Variants in CACNA1I observed in about 807,000 individuals in gnomAD.
CACNA1I encodes the protein calcium voltage-gated channel subunit alpha1 I.
Under a neutral mutation model 201.6 loss-of-function variants are expected in CACNA1I, and 74 were observed. The observed-to-expected ratio is 0.37, with a 90% CI of 0.30 to 0.45. The LOEUF (loss-of-function observed/expected upper bound fraction) is 0.45, where lower values mean the gene tolerates loss of function less well. Among genes scored for constraint, CACNA1I ranks in the 20% least tolerant of loss-of-function variants. CACNA1I has a pLI of 1.00. For missense variants in CACNA1I, 2,346 were observed against 3,138.1 expected (o/e 0.75, Z 6.03); for synonymous variants, 1,431 against 1,345.2 (o/e 1.06, Z -1.40).
At chr22:39,671,424 T>G (rs1935373043) in intron 26 of CACNA1I, among the ~76,000 whole-genome samples, 1 of 152,162 alleles carries the variant, frequency 6.6e-6, no homozygotes, top group Non-Finnish European at 1.5e-5. Flanking sequence ...AACTTAGATT[T>G]GCATTCAAAG....
intron 10 of CACNA1I, among the ~76,000 whole-genome samples, chr22:39,652,194 C>G (rs545867777): frequency 6.6e-6 from 1 of 152,280 alleles, no homozygotes; most frequent in East Asian, 1.9e-4. Flanking sequence ...CGGGGTTTCG[C>G]CATGTTGGCC....
rs1458660770 is a variant in CACNA1I at position 39,677,970 on chromosome 22, C to T, written c.4934-17C>T. The T allele has an allele frequency of 1.9e-6, 3 of 1,574,908 alleles. No individual in the cohort carries two copies. The highest frequency in any genetic ancestry group is 2.6e-6 in the Non-Finnish European group (3 of 1,161,120). On this transcript the variant is annotated splice_polypyrimidine_tract_variant and intron_variant, in intron 30 of 36. Transcript: ENST00000402142. The surrounding 1 kb of genome is among the most constrained non-coding windows in gnomAD (Gnocchi z 4.8). ...CACTCCGCCATCGGGCAGGGCTGACCTCCTCCCCGCTTCCAGTCTGCAACG... is the reference window on the plus strand; with the variant it reads ...CACTCCGCCATCGGGCAGGGCTGACTTCCTCCCCGCTTCCAGTCTGCAACG...
Position 39,659,303 on chromosome 22 carries a change from T to C in CACNA1I, c.2331-130T>C, listed in dbSNP as rs1206573839. On this transcript the variant is annotated intron_variant, in intron 12 of 36. Coordinates refer to ENST00000402142, the MANE Select transcript of CACNA1I (RefSeq NM_021096.4). The surrounding 1 kb of genome is among the most constrained non-coding windows in gnomAD (Gnocchi z 4.3). ...ACCCCTAAGCCTCAGTGTTCATCTC[T>C]GTAAAATGGGACCAACGCTGCCCCG... The C allele has an allele frequency of 1.1e-6, 1 of 929,150 alleles. No homozygotes were observed. The highest frequency in any genetic ancestry group is 2.1e-5 in the Admixed American group (1 of 47,686). The allele number at this position is 929,150 out of a possible 1,614,324, so 57.6% of individuals were successfully genotyped here. A position where few individuals can be genotyped will look rare whatever the true frequency, so the allele number is the denominator to read the frequency against.
At chr22:39,643,011 G>A (rs993988585) in intron 7 of CACNA1I, 122 bp downstream of exon 7, 4 of 636,320 alleles carry the variant, frequency 6.3e-6, no homozygotes, top group Non-Finnish European at 1.1e-5. Context: ...CCGGGATGAG[G>A]GAGCAGGAAG....
intron 17 of CACNA1I, among the ~76,000 whole-genome samples, 162 bp from the exon 18 acceptor site, chr22:39,662,614 G>A (rs1234851836): frequency 6.6e-6 from 1 of 152,048 alleles, no homozygotes; most frequent in Non-Finnish European, 1.5e-5. Flanking sequence ...GCCCACACCT[G>A]AGCTGGGCCG....
intron 3 of CACNA1I, among the ~76,000 whole-genome samples, chr22:39,615,857 C>T (rs1333392749): frequency 6.6e-6 from 1 of 152,124 alleles, no homozygotes; most frequent in Non-Finnish European, 1.5e-5. Context: ...CAAATGGATT[C>T]CCTGGAAGGA....
At chr22:39,609,135 C>T (rs1037126272) in intron 3 of CACNA1I, among the ~76,000 whole-genome samples, 8 of 152,212 alleles carry the variant, frequency 5.3e-5, no homozygotes, top group Non-Finnish European at 7.3e-5. Context: ...GTGCTCACAC[C>T]GTGCATCATC....
intron 29 of CACNA1I, among the ~76,000 whole-genome samples, chr22:39,674,885 C>T (rs549461068): frequency 3.0e-4 from 45 of 152,318 alleles, no homozygotes; most frequent in Non-Finnish European, 2.5e-4. Flanking sequence ...TTTCGGGGAC[C>T]GGGGCTAAGG....
chr22:39,651,886 T>C (rs564439999), intron 10 of CACNA1I, among the ~76,000 whole-genome samples: 393 of 152,180 alleles, frequency 2.6e-3, no homozygotes, highest in Non-Finnish European at 2.6e-3. Flanking sequence ...GTCCCTGCCT[T>C]TTCACCCACC....
At chr22:39,652,891 C>A (rs1380988683) in intron 10 of CACNA1I, among the ~76,000 whole-genome samples, 1 of 152,206 alleles carries the variant, frequency 6.6e-6, no homozygotes, top group Non-Finnish European at 1.5e-5. Flanking sequence ...GACAACAGAG[C>A]AAGATCATGT....
chr22:39,672,049 A>C, intron 26 of CACNA1I, 150 bp from the exon 27 acceptor site: 1 of 613,834 alleles, frequency 1.6e-6, no homozygotes, highest in Non-Finnish European at 3.0e-6. Flanking sequence ...GTACACACTA[A>C]GATGGAAAGA....
intron 31 of CACNA1I, 39 bp from the exon 32 acceptor site, chr22:39,679,068 G>A (rs1437699404): frequency 2.7e-6 from 4 of 1,490,076 alleles, no homozygotes; most frequent in Non-Finnish European, 3.6e-6. Flanking sequence ...CCTCTGGGAT[G>A]TCTCCGTCCT....
chr22:39,675,559 C>T (rs1002941806), intron 29 of CACNA1I, among the ~76,000 whole-genome samples: 2 of 152,196 alleles, frequency 1.3e-5, no homozygotes, highest in Non-Finnish European at 2.9e-5. Context: ...TGCCACTGGC[C>T]GTGAAATGGT....
At chr22:39,679,528 T>G in intron 32 of CACNA1I, 83 bp downstream of exon 32, 1 of 1,129,446 alleles carries the variant, frequency 8.9e-7, no homozygotes, top group Non-Finnish European at 1.2e-6. Context: ...AGGGAGGCCT[T>G]GCACAGAGAC....
At chr22:39,611,727 C>T (rs578100704) in intron 3 of CACNA1I, among the ~76,000 whole-genome samples, 12 of 152,326 alleles carry the variant, frequency 7.9e-5, no homozygotes, top group Non-Finnish European at 1.8e-4. Flanking sequence ...AAATAAACCA[C>T]TGGAGTAAAG....
rs748256097 is a variant in CACNA1I at position 39,649,869 on chromosome 22, A to G, written c.1936A>G (p.Ile646Val). ...GGACAGCAAGTACTTCAACCGGGGC[A>G]TCATGATGGCCATCCTGGTCAACAC... Reference protein sequence around the residue: ...IVDSKYFNRGIMMAILVNTVS... With the variant: ...IVDSKYFNRGVMMAILVNTVS... Residue 646 changes from isoleucine to valine, a missense_variant, in exon 10 of 37, where the codon ATC becomes GTC. Around this residue, in one of 13 missense-constraint regions of CACNA1I, gnomAD observed 312 missense variants for 331.5 expected, o/e 0.94. Coordinates refer to ENST00000402142, the MANE Select transcript of CACNA1I (RefSeq NM_021096.4). The surrounding 1 kb of genome is among the most constrained non-coding windows in gnomAD (Gnocchi z 7.3). 5.6e-6 allele frequency: 9 copies of G among 1,613,454 alleles called. No individual in the cohort carries two copies. The East Asian group carries it at 1.6e-4, about 28-fold the overall frequency.
chr22:39,678,986 G>C (rs1601528238), intron 31 of CACNA1I, 121 bp from the exon 32 acceptor site: 2 of 733,682 alleles, frequency 2.7e-6, no homozygotes. Flanking sequence ...GCAGCCCGGG[G>C]CCATCTCGGG....
rs60617531 is a variant in CACNA1I at position 39,649,578 on chromosome 22, G to A, written c.1645G>A (p.Asp549Asn). 193 of 1,546,930 alleles carry A rather than the reference G, an allele frequency of 1.2e-4. No homozygotes were observed. The East Asian group carries it at 3.0e-3, about 24-fold the overall frequency. ...GCCCATCCCCGCCACGCTGGCTTCC[G>A]ATCCCGCCAGCTGCCCTTGCTGCCA... ...VQPIPATLAS[D>N]PASCPCCQHE... Residue 549 changes from aspartate to asparagine, a missense_variant, in exon 10 of 37, where the codon GAT becomes AAT. By Grantham distance (23) the Asp-to-Asn change is conservative (BLOSUM62 1). This residue lies in a region of CACNA1I where 312 missense variants were observed against 331.5 expected (regional missense o/e 0.94). Coordinates refer to ENST00000402142, the MANE Select transcript of CACNA1I (RefSeq NM_021096.4). This position sits in a 1 kb window ranked among gnomAD's most constrained non-coding sequence, Gnocchi z 7.3.
intron 4 of CACNA1I, among the ~76,000 whole-genome samples, chr22:39,631,474 A>G (rs1366092880): frequency 2.6e-5 from 4 of 152,228 alleles, no homozygotes; most frequent in Non-Finnish European, 2.9e-5. Context: ...CCATCCTGAC[A>G]GTGACTGAGC....
Sources: allele counts gnomAD v4.1 joint callset (sites outside exome capture counted in the v4.1 genomes callset), GRCh38; gene constraint gnomAD v4.1.1; regional missense constraint gnomAD v4.1.1; non-coding constraint Gnocchi (gnomAD v3.1); transcripts MANE v1.5; gene names NCBI Gene and HGNC (gene_info 2026-07-23, HGNC 2026-07-21).